SERPINA12: variants seen among roughly 807,000 people sequenced by gnomAD.
SERPINA12 encodes serpin family A member 12.
A neutral mutation model predicts 25.9 loss-of-function variants in SERPINA12; 21 were observed. The ratio of observed to expected loss-of-function variants is 0.81; its 90% CI spans 0.58 to 1.17. The LOEUF is 1.17. Ranked by LOEUF, SERPINA12 falls within the 50% of genes most tolerant of loss-of-function variation. The probability of loss-of-function intolerance (pLI) is 0.00; values close to 1 mark genes in which losing one functional copy is unlikely to be tolerated. For missense variants in SERPINA12, 562 were observed against 508.3 expected (o/e 1.11, Z -1.02); for synonymous variants, 220 against 196.0 (o/e 1.12, Z -1.02).
At chr14:94,495,064 CTTTTTTTTT>C (rs71129685) in intron 3 of SERPINA12, among the ~76,000 whole-genome samples, 1 of 98,230 alleles carries the variant, frequency 1.0e-5, no homozygotes, top group Admixed American at 1.2e-4. Flanking sequence ...ATTTCCCTTT[CTTTTTTTTT>C]TTTTTTTTTT....
intron 3 of SERPINA12, among the ~76,000 whole-genome samples, chr14:94,493,583 G>A (rs1566806717): frequency 6.6e-6 from 1 of 152,090 alleles, no homozygotes; most frequent in Admixed American, 6.5e-5. Flanking sequence ...ACGCCACTGA[G>A]AGCAGCCTGC....
chr14:94,489,812 G>T, intron 3 of SERPINA12, 45 bp from the exon 4 acceptor site: 5 of 1,595,706 alleles, frequency 3.1e-6, no homozygotes, highest in Non-Finnish European at 4.3e-6. Context: ...GTCCTGTTGT[G>T]TTGCAGGGCA....
At chr14:94,498,540 G>C in intron 1 of SERPINA12, 110 bp from the exon 2 acceptor site, 2 of 857,142 alleles carry the variant, frequency 2.3e-6, no homozygotes, top group Non-Finnish European at 3.6e-6. Context: ...GTACATAGCA[G>C]TTTATGAGTG....
rs779939914 is a variant in SERPINA12, at chr14:94,498,408, G to A, written c.-11C>T. The A allele has an allele frequency of 1.9e-6, 3 of 1,610,930 alleles. No homozygotes were observed. The highest frequency in any genetic ancestry group is 2.5e-6 in the Non-Finnish European group (3 of 1,178,442). Reference sequence around the variant, plus strand: ...TAGTGTGGGGTTCATTTTCCTTGAAGAATATCCTGTTGAGTAGTAGACCTG... The same window carrying A: ...TAGTGTGGGGTTCATTTTCCTTGAAAAATATCCTGTTGAGTAGTAGACCTG... On this transcript the variant is annotated 5_prime_UTR_variant, in exon 2 of 5. Transcript: ENST00000677451.
At chr14:94,503,246 T>A (rs1900804717) in intron 1 of SERPINA12, 1 of 984,982 alleles carries the variant, frequency 1.0e-6, no homozygotes, top group South Asian at 4.7e-5. Context: ...AGAAGCCCCA[T>A]AAACAAACTC....
chr14:94,487,523 C>T (rs199830394), intron 4 of SERPINA12, 29 bp from the exon 5 acceptor site: 2 of 1,571,952 alleles, frequency 1.3e-6, no homozygotes, highest in East Asian at 4.5e-5. Flanking sequence ...AAGTCAAGGT[C>T]TGCCAAGCTC....
rs555314037 is a variant in SERPINA12, at chr14:94,505,618, T to A, written c.-34+3724A>T. Among the ~76,000 whole-genome samples, 29 of 152,302 alleles carry A rather than the reference T, an allele frequency of 1.9e-4. No individual in the cohort carries two copies. In the South Asian group the frequency reaches 5.6e-3, roughly 29 times the overall value. ...AGATCAGAGCCAGTGAGGTGGACAC[T>A]GACCCAGAATCCAGGTCTGTACATC... On this transcript the variant is annotated intron_variant, in intron 1 of 4. Coordinates refer to ENST00000677451, the MANE Select transcript of SERPINA12 (RefSeq NM_001382267.1).
chr14:94,495,068 T>TTTA (rs1320740825), intron 3 of SERPINA12, among the ~76,000 whole-genome samples: 6 of 136,312 alleles, frequency 4.4e-5, no homozygotes, highest in African/African-American at 1.7e-4. Flanking sequence ...CCCTTTCTTT[T>TTTA]TTTTTTTTTT....
At chr14:94,492,819 C>T (rs1421264734) in intron 3 of SERPINA12, among the ~76,000 whole-genome samples, 1 of 152,152 alleles carries the variant, frequency 6.6e-6, no homozygotes, top group Non-Finnish European at 1.5e-5. Flanking sequence ...ATGGCTATTT[C>T]AAAGCCACCA....
chr14:94,498,392 G>T lies in SERPINA12; in HGVS notation c.6C>A (p.Asn2Lys), dbSNP rs1322918854. The change falls in exon 2 of 5, where the codon AAC becomes AAA. Residue 2 changes from asparagine to lysine, a missense_variant. By Grantham distance (94) the Asn-to-Lys change is moderately conservative. Transcript: ENST00000677451. M[N>K]PTLGLAIFLA... ...GAAAAATGGCCAGGCCTAGTGTGGG[G>T]TTCATTTTCCTTGAAGAATATCCTG... is the stretch of plus-strand genomic sequence containing the variant. 6.2e-7 allele frequency: 1 copy of T among 1,612,216 alleles called. No homozygotes were observed. Among genetic ancestry groups the T allele is most frequent in the South Asian group, 1.1e-5 (1 of 90,946 alleles).
chr14:94,487,371 G>T lies in SERPINA12; in HGVS notation c.1177C>A (p.Leu393Met). The T allele has an allele frequency of 6.2e-7, 1 of 1,614,104 alleles. No individual in the cohort carries two copies. Among genetic ancestry groups the T allele is most frequent in the Non-Finnish European group, 8.5e-7 (1 of 1,179,994 alleles). ...GAAGGTATTTTCTCGCTGTAAATCA[G>T]CAGCAGATAGGGTTTGTCTATCTTG... is the stretch of plus-strand genomic sequence containing the variant. ...VVKIDKPYLL[L>M]IYSEKIPSVL... The change falls in exon 5 of 5, where the codon CTG becomes ATG. Residue 393 changes from leucine to methionine, a missense_variant. Physicochemically the swap from Leu to Met is conservative, Grantham distance 15 (BLOSUM62 2). Transcript: ENST00000677451.
Position 94,506,842 on chromosome 14 carries a change from T to A in SERPINA12, c.-34+2500A>T, listed in dbSNP as rs564137382. Among the ~76,000 whole-genome samples, 77 of 152,316 alleles carry A rather than the reference T, an allele frequency of 5.1e-4. 1 individual carries two copies. Among genetic ancestry groups the A allele is most frequent in the Admixed American group, 8.5e-4 (13 of 15,310 alleles). On this transcript the variant is annotated intron_variant, in intron 1 of 4. Coordinates refer to ENST00000677451, the MANE Select transcript of SERPINA12 (RefSeq NM_001382267.1). ...GAGTACTCAAGGTTGAGAATCCCACTCCAAAGCAAGTGATTCCCACCTGAT... is the reference window on the plus strand; with the variant it reads ...GAGTACTCAAGGTTGAGAATCCCACACCAAAGCAAGTGATTCCCACCTGAT...
chr14:94,492,387 A>G (rs926986189), intron 3 of SERPINA12, among the ~76,000 whole-genome samples: 1 of 152,182 alleles, frequency 6.6e-6, no homozygotes, highest in Non-Finnish European at 1.5e-5. Context: ...GAAAAATAAT[A>G]GCATTGAGAT....
upstream of SERPINA12, among the ~76,000 whole-genome samples, chr14:94,512,203 A>G (rs184681039): frequency 1.6e-4 from 25 of 152,312 alleles, no homozygotes; most frequent in African/African-American, 6.0e-4. Context: ...AAACAAAAAA[A>G]GCCGCAGCTC....
chr14:94,498,065 A>G lies in SERPINA12; in HGVS notation c.333T>C (p.Asp111=), dbSNP rs1900528632. Residue 111 remains aspartate (D), a synonymous_variant, in exon 2 of 5, where the codon GAT becomes GAC. Transcript: ENST00000677451. ...GFNFRKMPEK[D]LHEGFHYIIH... is the part of the protein sequence containing the mutation. ...TGATGTAATGGAAGCCCTCATGAAG[A>G]TCTTTTTCTGGCATCTTTCTGAAGT... 1 of 1,613,976 alleles carries G rather than the reference A, an allele frequency of 6.2e-7. No homozygotes were observed. Among genetic ancestry groups the G allele is most frequent in the Admixed American group, 1.7e-5 (1 of 59,998 alleles).
At chr14:94,502,865 C>T (rs1900787844) in intron 1 of SERPINA12, among the ~76,000 whole-genome samples, 1 of 152,270 alleles carries the variant, frequency 6.6e-6, no homozygotes, top group East Asian at 1.9e-4. Context: ...GACACCCCTT[C>T]CTGCCCCAGA....
At chr14:94,490,220 T>G (rs1900112660) in intron 3 of SERPINA12, among the ~76,000 whole-genome samples, 1 of 152,178 alleles carries the variant, frequency 6.6e-6, no homozygotes, top group Non-Finnish European at 1.5e-5. Context: ...CTTCCCTCTC[T>G]AAGTCACTTG....
rs758391547 is a variant in SERPINA12, at chr14:94,487,419, G to C, written c.1129C>G (p.Pro377Ala). ...TTGACGACGAGTGGTGTCTCCATGG[G>C]CAGAGTCTGTGCTCCGGTGCCAGCG... Reference protein sequence around the residue: ...GAAGTGAQTLPMETPLVVKID... With the variant: ...GAAGTGAQTLAMETPLVVKID... Residue 377 changes from proline (P) to alanine (A), a missense_variant, in exon 5 of 5, where the codon CCC becomes GCC. Pro to Ala is a conservative substitution (Grantham distance 27). Transcript: ENST00000677451. The C allele has an allele frequency of 6.2e-7, 1 of 1,614,052 alleles. No individual in the cohort carries two copies. The highest frequency in any genetic ancestry group is 1.3e-5 in the African/African-American group (1 of 75,048).
upstream of SERPINA12, chr14:94,511,444 A>G: frequency 2.0e-6 from 2 of 985,430 alleles, no homozygotes; most frequent in Non-Finnish European, 2.4e-6. Context: ...GGATACAACT[A>G]GTGCAGAAAC....
Sources: allele counts gnomAD v4.1 joint callset (sites outside exome capture counted in the v4.1 genomes callset), GRCh38; gene constraint gnomAD v4.1.1; transcripts MANE v1.5; gene names NCBI Gene and HGNC (gene_info 2026-07-23, HGNC 2026-07-21).